The following PTPRO variants were observed in gnomAD, a reference collection of about 807,000 sequenced individuals.
PTPRO encodes the protein receptor-type tyrosine-protein phosphatase O.
A neutral mutation model predicts 145.2 loss-of-function variants in PTPRO; 62 were observed. The observed-to-expected ratio is 0.43, with a 90% CI of 0.35 to 0.53. The LOEUF is 0.53. PTPRO is among the 20% of genes least tolerant of loss of function. The pLI is 0.01. For missense variants in PTPRO, 1,345 were observed against 1,482.7 expected (o/e 0.91, Z 1.53); for synonymous variants, 565 against 514.7 (o/e 1.10, Z -1.32).
At chr12:15,361,438 C>CAAAAAAAAAAAAAAAAAAAAA (rs71042244) in intron 1 of PTPRO, among the ~76,000 whole-genome samples, 5 of 71,238 alleles carry the variant, frequency 7.0e-5, no homozygotes, top group Non-Finnish European at 8.1e-5. Flanking sequence ...GACTCAGTCT[C>CAAAAAAAAAAAAAAAAAAAAA]AAAAAAAAAA....
chr12:15,513,083 AGAAAGAAAG>A (rs1942476262), intron 7 of PTPRO, among the ~76,000 whole-genome samples: 1 of 69,472 alleles, frequency 1.4e-5, no homozygotes, highest in South Asian at 4.7e-4. Flanking sequence ...AAAGAAAGAA[AGAAAGAAAG>A]AAGAAAGAAA....
At chr12:15,349,329 T>A (rs973334633) in intron 1 of PTPRO, among the ~76,000 whole-genome samples, 7 of 151,902 alleles carry the variant, frequency 4.6e-5, no homozygotes, top group African/African-American at 1.7e-4. Flanking sequence ...GATGGATGAG[T>A]GATAGAAGAA....
At chr12:15,523,451 C>T (rs145877823) in intron 10 of PTPRO, among the ~76,000 whole-genome samples, 3 of 152,270 alleles carry the variant, frequency 2.0e-5, no homozygotes, top group African/African-American at 7.2e-5. Flanking sequence ...GAATTCTCTT[C>T]CCTCGTTGGC....
intron 1 of PTPRO, among the ~76,000 whole-genome samples, chr12:15,365,277 A>T: frequency 6.6e-6 from 1 of 152,264 alleles, no homozygotes; most frequent in East Asian, 1.9e-4. Context: ...AGTCCACATG[A>T]TCGTCCAATG....
At position 15,597,928 on chromosome 12, in the gene PTPRO, G is replaced by A. The variant is rs1454280642; in HGVS notation, c.*1855G>A. Among the ~76,000 whole-genome samples, 1 of 152,242 alleles carries A rather than the reference G, an allele frequency of 6.6e-6. No homozygotes were observed. Among genetic ancestry groups the A allele is most frequent in the Non-Finnish European group, 1.5e-5 (1 of 68,046 alleles). ...ACACATGGGCAGTCAGGAGTGAAAT[G>A]TGCAACCTTGGAAGAGCTGATACAA... On this transcript the variant is annotated 3_prime_UTR_variant, in exon 27 of 27. Transcript: ENST00000281171.
chr12:15,591,391 A>G (rs1944550176), intron 25 of PTPRO, among the ~76,000 whole-genome samples: 1 of 151,942 alleles, frequency 6.6e-6, no homozygotes, highest in African/African-American at 2.4e-5. Context: ...AAAAAAACTT[A>G]GTAGATTTTA....
chr12:15,342,451 C>T (rs1565574163), intron 1 of PTPRO, among the ~76,000 whole-genome samples: 1 of 151,596 alleles, frequency 6.6e-6, no homozygotes, highest in Non-Finnish European at 1.5e-5. Context: ...TATAGAGCAT[C>T]AATTGTGTGC....
intron 6 of PTPRO, among the ~76,000 whole-genome samples, chr12:15,506,022 G>A (rs1459559732): frequency 1.3e-5 from 2 of 152,112 alleles, no homozygotes; most frequent in Non-Finnish European, 2.9e-5. Context: ...TTCCCCAAGT[G>A]TCAAAATTAA....
chr12:15,322,667 AGCC>A lies in PTPRO; in HGVS notation c.-52_-50del. ...GCTGCAGCCCCAGTTCGCCATTGTG[AGCC>A]GCCGCCGGGGGAGTCCGCTAGCGCA... On this transcript the variant is annotated 5_prime_UTR_variant, in exon 1 of 27. Transcript: ENST00000281171. This position sits in a 1 kb window ranked among gnomAD's most constrained non-coding sequence, Gnocchi z 6.3. 6.8e-7 allele frequency: 1 copy of A among 1,466,442 alleles called. No individual in the cohort carries two copies. Among genetic ancestry groups the A allele is most frequent in the Non-Finnish European group, 9.4e-7 (1 of 1,067,388 alleles). The allele number at this position is 1,466,442 out of a possible 1,614,324, so 90.8% of individuals were successfully genotyped here. A position where few individuals can be genotyped will look rare whatever the true frequency, so the allele number is the denominator to read the frequency against.
intron 1 of PTPRO, among the ~76,000 whole-genome samples, chr12:15,350,115 T>C (rs1315466553): frequency 2.0e-5 from 3 of 152,216 alleles, no homozygotes; most frequent in Non-Finnish European, 4.4e-5. Context: ...GAACCCTTCA[T>C]ATATAAATGT....
chr12:15,383,222 T>G (rs1938919048), intron 1 of PTPRO, among the ~76,000 whole-genome samples: 1 of 152,250 alleles, frequency 6.6e-6, no homozygotes, highest in African/African-American at 2.4e-5. Flanking sequence ...ACATAGTAAT[T>G]GTTTATCTGT....
At chr12:15,586,043 G>A (rs1196327350) in intron 23 of PTPRO, among the ~76,000 whole-genome samples, 3 of 152,218 alleles carry the variant, frequency 2.0e-5, no homozygotes, top group Admixed American at 6.5e-5. Context: ...TGAGGTACTA[G>A]TAAGTAGTAA....
chr12:15,515,044 C>A (rs1488927393), intron 7 of PTPRO, among the ~76,000 whole-genome samples: 1 of 151,936 alleles, frequency 6.6e-6, no homozygotes, highest in Non-Finnish European at 1.5e-5. Context: ...GGATTACACG[C>A]GTGAGCCACT....
At chr12:15,452,194 C>T (rs1442211829) in intron 1 of PTPRO, among the ~76,000 whole-genome samples, 1 of 152,128 alleles carries the variant, frequency 6.6e-6, no homozygotes, top group African/African-American at 2.4e-5. Context: ...TACAAAAGGT[C>T]ATTCAAAGTT....
intron 1 of PTPRO, among the ~76,000 whole-genome samples, chr12:15,368,670 A>G (rs191601534): frequency 6.6e-4 from 101 of 152,346 alleles, no homozygotes; most frequent in African/African-American, 2.1e-3. Context: ...CTCTGGATTT[A>G]TCCTCTAGAT....
At chr12:15,511,370 C>T (rs1166997341) in intron 7 of PTPRO, among the ~76,000 whole-genome samples, 1 of 152,136 alleles carries the variant, frequency 6.6e-6, no homozygotes, top group Non-Finnish European at 1.5e-5. Context: ...GTTAGCAGCT[C>T]AGTAAATATT....
intron 2 of PTPRO, among the ~76,000 whole-genome samples, chr12:15,485,056 G>GCT (rs1158470649): frequency 6.6e-6 from 1 of 152,062 alleles, no homozygotes; most frequent in Non-Finnish European, 1.5e-5. Flanking sequence ...TTTTGCAACA[G>GCT]CTGCAATTTG....
intron 1 of PTPRO, among the ~76,000 whole-genome samples, chr12:15,326,825 C>T (rs1485975616): frequency 6.6e-6 from 1 of 152,132 alleles, no homozygotes; most frequent in Non-Finnish European, 1.5e-5. Flanking sequence ...TACACAGTTT[C>T]AGTGATGTTG....
intron 1 of PTPRO, among the ~76,000 whole-genome samples, chr12:15,366,139 C>CA (rs1017485365): frequency 6.6e-6 from 1 of 152,038 alleles, no homozygotes; most frequent in African/African-American, 2.4e-5. Flanking sequence ...ACAAATATCA[C>CA]AAAAAAACTT....
Sources: allele counts gnomAD v4.1 joint callset (sites outside exome capture counted in the v4.1 genomes callset), GRCh38; gene constraint gnomAD v4.1.1; non-coding constraint Gnocchi (gnomAD v3.1); transcripts MANE v1.5; gene names NCBI Gene and HGNC (gene_info 2026-07-23, HGNC 2026-07-21).